Variants in CRPPA observed in about 807,000 individuals in gnomAD.
The protein encoded by CRPPA is D-ribitol-5-phosphate cytidylyltransferase.
In CRPPA, 43 loss-of-function variants were observed where a neutral mutation model predicts 52.0. The observed-to-expected ratio is 0.83, with a 90% CI of 0.65 to 1.07. The LOEUF is 1.07. Ranked by LOEUF, CRPPA falls within the 50% of genes least tolerant of loss-of-function variation. The probability of loss-of-function intolerance (pLI) is 0.00; values close to 1 mark genes in which losing one functional copy is unlikely to be tolerated. For synonymous variants in CRPPA, 250 were observed against 203.5 expected, an observed-to-expected ratio of 1.23 and a Z score of -1.94; for missense variants, 629 against 551.7, an observed-to-expected ratio of 1.14 and a Z score of -1.40.
At chr7:16,376,266 A>G in intron 2 of CRPPA, 25 bp from the exon 3 acceptor site, 1 of 1,574,848 alleles carries the variant, frequency 6.3e-7, no homozygotes, top group Non-Finnish European at 8.6e-7. Flanking sequence ...GGCAAAGAAT[A>G]TATTTCACCT....
At chr7:16,288,775 A>G (rs1316046052) in intron 5 of CRPPA, among the ~76,000 whole-genome samples, 1 of 142,206 alleles carries the variant, frequency 7.0e-6, no homozygotes, top group Non-Finnish European at 1.5e-5. Flanking sequence ...CAACCGGGGA[A>G]GAGGAGGTTA....
intron 9 of CRPPA, among the ~76,000 whole-genome samples, chr7:16,123,563 C>T (rs980847689): frequency 1.3e-5 from 2 of 152,070 alleles, no homozygotes; most frequent in Non-Finnish European, 2.9e-5. Flanking sequence ...AGCAGGGGAC[C>T]ACCCAACATG....
At chr7:16,410,040 C>A (rs1024343067) in intron 1 of CRPPA, among the ~76,000 whole-genome samples, 23 of 152,174 alleles carry the variant, frequency 1.5e-4, no homozygotes, top group Admixed American at 1.5e-3. Flanking sequence ...TCTCATTACC[C>A]TGACTAGCTA....
At chr7:16,184,024 C>A (rs1040105995) in intron 9 of CRPPA, among the ~76,000 whole-genome samples, 3 of 152,082 alleles carry the variant, frequency 2.0e-5, no homozygotes, top group Non-Finnish European at 2.9e-5. Context: ...TCACTGCAAG[C>A]TCCGCCTCCC....
At chr7:16,335,154 C>CAA (rs60632334) in intron 3 of CRPPA, among the ~76,000 whole-genome samples, 1,636 of 93,510 alleles carry the variant, frequency 0.017, no homozygotes, top group East Asian at 0.039. Context: ...CCCATCTCTA[C>CAA]AAAAAAAAAA....
chr7:16,208,292 C>A (rs34458550), intron 9 of CRPPA, among the ~76,000 whole-genome samples: 2 of 151,912 alleles, frequency 1.3e-5, no homozygotes, highest in African/African-American at 4.8e-5. Context: ...ATAACTTATA[C>A]CTCTATTTTT....
chr7:16,224,697 A>G (rs1033056433), intron 8 of CRPPA, among the ~76,000 whole-genome samples: 4 of 152,190 alleles, frequency 2.6e-5, no homozygotes, highest in Non-Finnish European at 4.4e-5. Context: ...TCACTTTTCA[A>G]AAGAAATATA....
intron 8 of CRPPA, among the ~76,000 whole-genome samples, chr7:16,245,470 A>T (rs75537509): frequency 0.032 from 4,829 of 152,250 alleles, 258 homozygotes; most frequent in African/African-American, 0.11. Flanking sequence ...ATTCACAATC[A>T]CTGACAGGAC....
At chr7:16,249,296 C>T (rs932044008) in intron 8 of CRPPA, among the ~76,000 whole-genome samples, 8 of 152,222 alleles carry the variant, frequency 5.3e-5, no homozygotes, top group African/African-American at 1.4e-4. Flanking sequence ...CAGCTGTGGG[C>T]GCAGCTTCAG....
intron 3 of CRPPA, among the ~76,000 whole-genome samples, chr7:16,343,019 G>A (rs948519861): frequency 2.6e-5 from 4 of 151,284 alleles, no homozygotes; most frequent in African/African-American, 9.7e-5. Context: ...CAGCCTGAAT[G>A]ACAAAGTGAA....
At chr7:16,298,639 T>C (rs1467785571) in intron 5 of CRPPA, among the ~76,000 whole-genome samples, 2 of 152,220 alleles carry the variant, frequency 1.3e-5, no homozygotes, top group African/African-American at 4.8e-5. Flanking sequence ...TTATGTGTCA[T>C]AAAAATGGTT....
intron 6 of CRPPA, among the ~76,000 whole-genome samples, chr7:16,273,097 T>C (rs1284892403): frequency 1.3e-5 from 2 of 150,286 alleles, no homozygotes; most frequent in African/African-American, 2.5e-5. Context: ...GTATATCTCC[T>C]AATGCTATCC....
intron 9 of CRPPA, among the ~76,000 whole-genome samples, chr7:16,104,973 T>C (rs1299070698): frequency 2.0e-5 from 3 of 151,912 alleles, no homozygotes; most frequent in Admixed American, 2.0e-4. Flanking sequence ...AAAACTGTAT[T>C]ATATACATAG....
At chr7:16,307,934 G>C (rs1456450655) in intron 4 of CRPPA, among the ~76,000 whole-genome samples, 8 of 143,344 alleles carry the variant, frequency 5.6e-5, no homozygotes, top group Non-Finnish European at 1.2e-4. Context: ...AAAAAAAAAA[G>C]GCTATTGATA....
At chr7:16,216,989 G>T (rs889465552) in intron 8 of CRPPA, among the ~76,000 whole-genome samples, 3 of 152,152 alleles carry the variant, frequency 2.0e-5, no homozygotes, top group African/African-American at 7.2e-5. Flanking sequence ...CTGGGGGCAG[G>T]GCACAGACAA....
intron 9 of CRPPA, among the ~76,000 whole-genome samples, chr7:16,139,988 T>C (rs1162200743): frequency 6.6e-6 from 1 of 152,092 alleles, no homozygotes; most frequent in Non-Finnish European, 1.5e-5. Context: ...TTAAGATTAC[T>C]AGTATCTTGC....
intron 5 of CRPPA, among the ~76,000 whole-genome samples, chr7:16,300,016 G>C (rs747147577): frequency 1.3e-5 from 2 of 152,126 alleles, no homozygotes; most frequent in Non-Finnish European, 2.9e-5. Flanking sequence ...GGACACGACC[G>C]ACCACATCAT....
chr7:16,384,536 A>G (rs572922914), intron 2 of CRPPA, among the ~76,000 whole-genome samples: 49 of 152,366 alleles, frequency 3.2e-4, no homozygotes, highest in African/African-American at 1.2e-3. Flanking sequence ...CAATTAGCAC[A>G]CAATGAGTGT....
chr7:16,376,789 G>A (rs1345580778), intron 2 of CRPPA, among the ~76,000 whole-genome samples: 1 of 152,158 alleles, frequency 6.6e-6, no homozygotes, highest in Non-Finnish European at 1.5e-5. Context: ...TGCTTCCTCA[G>A]GCAATACCCA....
Sources: gnomAD v4.1 joint callset for allele counts (sites outside exome capture counted in the v4.1 genomes callset) on GRCh38, gnomAD v4.1.1 for gene constraint, MANE v1.5 for transcripts, NCBI Gene and HGNC (gene_info 2026-07-23, HGNC 2026-07-21) for gene names.